The following MYO3B variants were observed in gnomAD, a reference collection of about 807,000 sequenced individuals.
The protein encoded by MYO3B is myosin IIIB.
MYO3B carries 156 observed loss-of-function variants against 174.6 expected under a neutral mutation model. That is an observed-to-expected ratio of 0.89 (90% CI 0.78 to 1.02). The LOEUF is 1.02. Ranked by LOEUF, MYO3B falls within the 50% of genes least tolerant of loss-of-function variation. MYO3B has a pLI of 0.00. For missense variants in MYO3B, 1,632 were observed against 1,639.4 expected (o/e 1.00, Z 0.08); for synonymous variants, 563 against 569.1 (o/e 0.99, Z 0.15).
At position 170,212,243 on chromosome 2, in the gene MYO3B, CAA is replaced by C. The variant is rs57947187; in HGVS notation, c.322-2119_322-2118del. 1.6e-3 allele frequency among the ~76,000 whole-genome samples: 207 copies of C among 127,940 alleles called. 1 individual carries two copies. Among genetic ancestry groups the C allele is most frequent in the Admixed American group, 4.2e-3 (56 of 13,208 alleles). 83.9% of individuals were successfully genotyped at this position (127,940 alleles called of 152,430 possible). A position where few individuals can be genotyped will look rare whatever the true frequency, so the allele number is the denominator to read the frequency against. ...GGGCAAAAACAGTGAAACTCCCTCT[CAA>C]AAAAAAAAAAAAAAAAGTCTGGGGG... On this transcript the variant is annotated intron_variant, in intron 3 of 34. Coordinates refer to ENST00000408978, the MANE Select transcript of MYO3B (RefSeq NM_138995.5).
At chr2:170,312,794 C>G (rs1001977735) in intron 7 of MYO3B, among the ~76,000 whole-genome samples, 1 of 152,160 alleles carries the variant, frequency 6.6e-6, no homozygotes, top group Non-Finnish European at 1.5e-5. Flanking sequence ...GAAATCACAC[C>G]TACGTACAAT....
intron 25 of MYO3B, among the ~76,000 whole-genome samples, chr2:170,476,425 T>C (rs1285414370): frequency 6.6e-6 from 1 of 152,130 alleles, no homozygotes; most frequent in Non-Finnish European, 1.5e-5. Flanking sequence ...AGGTCATACA[T>C]GGGCTTGAAG....
chr2:170,491,730 T>A (rs1686497892), intron 25 of MYO3B, among the ~76,000 whole-genome samples: 1 of 152,230 alleles, frequency 6.6e-6, no homozygotes, highest in Non-Finnish European at 1.5e-5. Context: ...TGGCCATGTA[T>A]TTTTTAATTT....
At chr2:170,374,874 C>T (rs1038925119) in intron 9 of MYO3B, among the ~76,000 whole-genome samples, 6 of 151,778 alleles carry the variant, frequency 4.0e-5, no homozygotes, top group African/African-American at 1.2e-4. Context: ...TTGATAGATA[C>T]CATTACCTGA....
chr2:170,236,655 AATGCAAGTATACTTTCT>A (rs1414804688), intron 7 of MYO3B, among the ~76,000 whole-genome samples: 3 of 152,188 alleles, frequency 2.0e-5, no homozygotes, highest in Admixed American at 6.5e-5. Flanking sequence ...AGAGCATTTA[AATGCAAGTATACTTTCT>A]ATTCTGTGTA....
chr2:170,458,992 AGTTT>A (rs897589277), intron 23 of MYO3B, among the ~76,000 whole-genome samples: 9 of 151,908 alleles, frequency 5.9e-5, no homozygotes, highest in African/African-American at 2.2e-4. Flanking sequence ...GTGTGTCCAG[AGTTT>A]GTTTGTTCCT....
rs146764893 is a variant in MYO3B at position 170,343,090 on chromosome 2, C to T, written c.815+7640C>T. ...ACACACACACACACCCCTCTCCACC[C>T]CTTCTCAATGGCAACAGCTCCCTCC... On this transcript the variant is annotated intron_variant, in intron 8 of 34. Coordinates refer to ENST00000408978, the MANE Select transcript of MYO3B (RefSeq NM_138995.5). Among the ~76,000 whole-genome samples, 5 of 151,458 alleles carry T rather than the reference C, an allele frequency of 3.3e-5. No homozygotes were observed. In the East Asian group the frequency reaches 7.8e-4, roughly 23 times the overall value.
At chr2:170,491,726 T>C (rs1575067089) in intron 25 of MYO3B, among the ~76,000 whole-genome samples, 1 of 152,218 alleles carries the variant, frequency 6.6e-6, no homozygotes, top group African/African-American at 2.4e-5. Flanking sequence ...TGCCTGGCCA[T>C]GTATTTTTTA....
At chr2:170,207,361 G>C (rs960356453) in intron 3 of MYO3B, among the ~76,000 whole-genome samples, 2 of 152,138 alleles carry the variant, frequency 1.3e-5, no homozygotes, top group African/African-American at 2.4e-5. Flanking sequence ...GTGAGAAAGA[G>C]ACAAACTGGG....
chr2:170,569,950 T>G (rs1195164637), intron 32 of MYO3B, among the ~76,000 whole-genome samples: 3 of 152,212 alleles, frequency 2.0e-5, no homozygotes, highest in South Asian at 2.1e-4. Flanking sequence ...CAGACTGTTT[T>G]GCCAGGTCTT....
intron 7 of MYO3B, among the ~76,000 whole-genome samples, chr2:170,327,448 C>T (rs1348492877): frequency 8.3e-6 from 1 of 120,162 alleles, no homozygotes; most frequent in East Asian, 3.5e-4. Context: ...TTTCTCCTTA[C>T]TACCTTTGGT....
chr2:170,180,625 G>A (rs1272087275), intron 1 of MYO3B, among the ~76,000 whole-genome samples: 1 of 151,998 alleles, frequency 6.6e-6, no homozygotes, highest in Admixed American at 6.6e-5. Context: ...AATAACATAT[G>A]CACTAGCAAA....
intron 22 of MYO3B, among the ~76,000 whole-genome samples, chr2:170,437,809 C>T (rs999983419): frequency 1.3e-5 from 2 of 152,122 alleles, no homozygotes; most frequent in Admixed American, 1.3e-4. Context: ...GTGTCCTCAA[C>T]CCTCACAATG....
chr2:170,335,136 G>T (rs1429800060), intron 7 of MYO3B, among the ~76,000 whole-genome samples: 1 of 152,140 alleles, frequency 6.6e-6, no homozygotes, highest in African/African-American at 2.4e-5. Flanking sequence ...CTTGAAGAAT[G>T]TTCCTGATCT....
At chr2:170,194,718 G>C (rs1292830313) in intron 1 of MYO3B, among the ~76,000 whole-genome samples, 2 of 152,128 alleles carry the variant, frequency 1.3e-5, no homozygotes, top group Non-Finnish European at 1.5e-5. Context: ...GCTTATTAAG[G>C]AGAATTGACT....
At chr2:170,491,962 G>T in intron 25 of MYO3B, among the ~76,000 whole-genome samples, 1 of 151,868 alleles carries the variant, frequency 6.6e-6, no homozygotes, top group Non-Finnish European at 1.5e-5. Flanking sequence ...GCTGAGGCAG[G>T]AGAATCACTT....
chr2:170,226,948 C>T (rs538126492), intron 6 of MYO3B, among the ~76,000 whole-genome samples: 3 of 152,328 alleles, frequency 2.0e-5, no homozygotes, highest in African/African-American at 7.2e-5. Context: ...ACTGCAGGAA[C>T]AGAAGTGTTT....
At chr2:170,558,429 C>T (rs1691489766) in intron 32 of MYO3B, among the ~76,000 whole-genome samples, 1 of 151,958 alleles carries the variant, frequency 6.6e-6, no homozygotes, top group Non-Finnish European at 1.5e-5. Context: ...ATCAGCATGC[C>T]CTTTCAGGAT....
intron 32 of MYO3B, among the ~76,000 whole-genome samples, chr2:170,584,837 T>C (rs2106311319): frequency 6.6e-6 from 1 of 152,324 alleles, no homozygotes; most frequent in Middle Eastern, 3.4e-3. Flanking sequence ...TTCTAACCCA[T>C]AGGAGAAAAA....
Sources: gnomAD v4.1 joint callset for allele counts (sites outside exome capture counted in the v4.1 genomes callset) on GRCh38, gnomAD v4.1.1 for gene constraint, MANE v1.5 for transcripts, NCBI Gene and HGNC (gene_info 2026-07-23, HGNC 2026-07-21) for gene names.